Variants in SLC13A1 observed in about 807,000 individuals in gnomAD.
The protein encoded by SLC13A1 is solute carrier family 13 member 1, also known as Na(+)/sulfate cotransporter.
Under a neutral mutation model 70.0 loss-of-function variants are expected in SLC13A1, and 65 were observed. That is an observed-to-expected ratio of 0.93 (90% confidence interval 0.76 to 1.14). The LOEUF (loss-of-function observed/expected upper bound fraction) is 1.14. SLC13A1 is among the 50% of genes most tolerant of loss of function. The pLI, the probability that SLC13A1 is intolerant of heterozygous loss-of-function variation, is 0.00. For missense variants in SLC13A1, 726 were observed against 717.8 expected (o/e 1.01, Z -0.13); for synonymous variants, 275 against 250.5 (o/e 1.10, Z -0.92).
intron 6 of SLC13A1, among the ~76,000 whole-genome samples, chr7:123,158,984 CA>C (rs1794799270): frequency 6.6e-6 from 1 of 151,856 alleles, no homozygotes; most frequent in South Asian, 2.1e-4. Context: ...AAGCAAAATA[CA>C]ATGGTGAACA....
chr7:123,175,369 G>A (rs937319324), intron 2 of SLC13A1, among the ~76,000 whole-genome samples: 12 of 152,066 alleles, frequency 7.9e-5, no homozygotes, highest in African/African-American at 2.9e-4. Context: ...AAAGATTTAA[G>A]TTTTCATTTT....
At chr7:123,196,220 A>C (rs1796174621) in intron 1 of SLC13A1, among the ~76,000 whole-genome samples, 1 of 152,138 alleles carries the variant, frequency 6.6e-6, no homozygotes, top group Non-Finnish European at 1.5e-5. Flanking sequence ...AATAAAAAGC[A>C]GTTACACTCC....
rs563180414 is a variant in SLC13A1 at position 123,147,410 on chromosome 7, C to A, written c.661-100G>T. 5.4e-5 allele frequency: 72 copies of A among 1,341,748 alleles called. 1 individual carries two copies. The South Asian group carries it at 9.3e-4, about 17-fold the overall frequency. 83.1% of individuals were successfully genotyped at this position (1,341,748 alleles called of 1,614,324 possible). A position where few individuals can be genotyped will look rare whatever the true frequency, so the allele number is the denominator to read the frequency against. ...ACCCGCACCAATTCATATGTTGAAA[C>A]CCTAACTCCTGATGTGATTGTATTT... On this transcript the variant is annotated intron_variant, in intron 6 of 14. Transcript: ENST00000194130.
At chr7:123,152,728 C>T (rs924908438) in intron 6 of SLC13A1, among the ~76,000 whole-genome samples, 3 of 151,946 alleles carry the variant, frequency 2.0e-5, no homozygotes, top group Admixed American at 2.0e-4. Flanking sequence ...TACGCTTCAC[C>T]CAAAATAAAC....
At chr7:123,147,754 T>G (rs1190439502) in intron 6 of SLC13A1, among the ~76,000 whole-genome samples, 1 of 152,176 alleles carries the variant, frequency 6.6e-6, no homozygotes, top group Non-Finnish European at 1.5e-5. Flanking sequence ...TATCTTTCCA[T>G]CAATAGAGAT....
At chr7:123,186,981 A>G (rs920573571) in intron 1 of SLC13A1, among the ~76,000 whole-genome samples, 1 of 150,934 alleles carries the variant, frequency 6.6e-6, no homozygotes, top group African/African-American at 2.4e-5. Flanking sequence ...AAAGAGGGGA[A>G]AAAAAAAAGT....
At chr7:123,137,131 T>C (rs562340270) in intron 7 of SLC13A1, among the ~76,000 whole-genome samples, 23 of 152,278 alleles carry the variant, frequency 1.5e-4, no homozygotes, top group African/African-American at 5.1e-4. Context: ...ATCTAATTAG[T>C]AATTGACATA....
intron 8 of SLC13A1, among the ~76,000 whole-genome samples, chr7:123,129,697 G>C (rs1015768209): frequency 6.6e-6 from 1 of 151,862 alleles, no homozygotes; most frequent in South Asian, 2.1e-4. Flanking sequence ...TGCCTGGTTT[G>C]CTCACTTTTT....
intron 6 of SLC13A1, among the ~76,000 whole-genome samples, chr7:123,166,463 A>C (rs1795078698): frequency 6.6e-6 from 1 of 152,030 alleles, no homozygotes; most frequent in African/African-American, 2.4e-5. Flanking sequence ...TTACATATGT[A>C]TACATGTGCC....
chr7:123,158,345 TAAC>T (rs894905934), intron 6 of SLC13A1, among the ~76,000 whole-genome samples: 1 of 151,918 alleles, frequency 6.6e-6, no homozygotes, highest in Non-Finnish European at 1.5e-5. Context: ...TAAATTTAAA[TAAC>T]AATTTAAAAG....
intron 1 of SLC13A1, among the ~76,000 whole-genome samples, chr7:123,192,659 A>T (rs2116675844): frequency 6.6e-6 from 1 of 152,254 alleles, no homozygotes; most frequent in South Asian, 2.1e-4. Context: ...CAAAGCAATT[A>T]AAAAAGGAGA....
intron 8 of SLC13A1, 23 bp from the exon 9 acceptor site, chr7:123,129,504 T>C: frequency 6.3e-7 from 1 of 1,587,282 alleles, no homozygotes; most frequent in Non-Finnish European, 8.6e-7. Context: ...ATTAAGCCTG[T>C]AAGCAAGAAA....
At chr7:123,171,259 T>C (rs1437968896) in intron 3 of SLC13A1, among the ~76,000 whole-genome samples, 2 of 152,360 alleles carry the variant, frequency 1.3e-5, no homozygotes, top group South Asian at 2.1e-4. Context: ...ATGTCTTAAT[T>C]GATTTTTTCA....
intron 6 of SLC13A1, among the ~76,000 whole-genome samples, chr7:123,160,951 G>A (rs1486052642): frequency 6.6e-6 from 1 of 151,670 alleles, no homozygotes; most frequent in Non-Finnish European, 1.5e-5. Flanking sequence ...TGGAAGAGAG[G>A]AAAAACTCAA....
chr7:123,165,451 A>G (rs907108951), intron 6 of SLC13A1, among the ~76,000 whole-genome samples: 1 of 152,090 alleles, frequency 6.6e-6, no homozygotes, highest in Non-Finnish European at 1.5e-5. Flanking sequence ...CATTCTAATC[A>G]ATGGCATCAC....
chr7:123,172,315 T>G (rs560244784), intron 2 of SLC13A1, among the ~76,000 whole-genome samples: 18 of 152,334 alleles, frequency 1.2e-4, no homozygotes, highest in African/African-American at 4.3e-4. Context: ...TGAATGATTT[T>G]ACTTTCAAAA....
At chr7:123,132,335 C>T (rs55988424) in intron 8 of SLC13A1, among the ~76,000 whole-genome samples, 45,726 of 151,862 alleles carry the variant, frequency 0.3, 6,982 homozygotes, top group African/African-American at 0.33. Flanking sequence ...CCCATGGCCA[C>T]AGGCATGGAA....
chr7:123,152,927 A>C (rs989601547), intron 6 of SLC13A1, among the ~76,000 whole-genome samples: 1 of 152,152 alleles, frequency 6.6e-6, no homozygotes, highest in African/African-American at 2.4e-5. Context: ...AACATTAAAT[A>C]GTTTACTATA....
At chr7:123,153,919 A>T (rs1017756105) in intron 6 of SLC13A1, among the ~76,000 whole-genome samples, 1 of 152,094 alleles carries the variant, frequency 6.6e-6, no homozygotes, top group Non-Finnish European at 1.5e-5. Flanking sequence ...AAGGATAGTT[A>T]TTTCTTAATC....
Sources: allele counts gnomAD v4.1 joint callset (sites outside exome capture counted in the v4.1 genomes callset), GRCh38; gene constraint gnomAD v4.1.1; transcripts MANE v1.5; gene names NCBI Gene and HGNC (gene_info 2026-07-23, HGNC 2026-07-21).